The following ZNF804B variants were observed in gnomAD, a reference collection of about 807,000 sequenced individuals.
ZNF804B encodes zinc finger 804B.
A neutral mutation model predicts 101.4 loss-of-function variants in ZNF804B; 80 were observed. The ratio of observed to expected loss-of-function variants is 0.79; its 90% CI spans 0.66 to 0.95. The LOEUF is 0.95. Ranked by LOEUF, ZNF804B falls within the 40% of genes least tolerant of loss-of-function variation. The pLI is 0.00. For missense variants in ZNF804B, 1,673 were observed against 1,561.9 expected, an observed-to-expected ratio of 1.07 and a Z score of -1.20; for synonymous variants, 622 against 558.8, an observed-to-expected ratio of 1.11 and a Z score of -1.59.
At chr7:88,842,979 C>T (rs1791310888) in intron 1 of ZNF804B, among the ~76,000 whole-genome samples, 1 of 151,998 alleles carries the variant, frequency 6.6e-6, no homozygotes, top group Admixed American at 6.6e-5. Context: ...TTTCTATAAT[C>T]CTTAAATTAT....
At chr7:88,896,092 T>A (rs1188216282) in intron 1 of ZNF804B, among the ~76,000 whole-genome samples, 1 of 152,168 alleles carries the variant, frequency 6.6e-6, no homozygotes, top group African/African-American at 2.4e-5. Flanking sequence ...GGCAGGTGAT[T>A]AGTGATAAGT....
chr7:89,043,657 A>G (rs1267652041), intron 1 of ZNF804B, among the ~76,000 whole-genome samples: 1 of 152,206 alleles, frequency 6.6e-6, no homozygotes, highest in Non-Finnish European at 1.5e-5. Context: ...CTTTATGGGA[A>G]CACATTTTAA....
At chr7:89,016,620 T>C (rs961145370) in intron 1 of ZNF804B, among the ~76,000 whole-genome samples, 1 of 151,054 alleles carries the variant, frequency 6.6e-6, no homozygotes, top group East Asian at 2.0e-4. Flanking sequence ...CTTGTTTTTC[T>C]CAGGTTTGTC....
chr7:89,318,496 C>T (rs1014501098), intron 2 of ZNF804B, among the ~76,000 whole-genome samples: 16 of 152,302 alleles, frequency 1.1e-4, no homozygotes, highest in African/African-American at 3.6e-4. Flanking sequence ...GGCACAATGG[C>T]TTACACCTAT....
intron 1 of ZNF804B, among the ~76,000 whole-genome samples, chr7:88,793,893 T>C (rs182588308): frequency 1.5e-3 from 228 of 152,046 alleles, no homozygotes; most frequent in Non-Finnish European, 2.6e-3. Context: ...TCAGCCATAC[T>C]TTTTTTTGAA....
At chr7:89,005,820 A>C (rs1788363044) in intron 1 of ZNF804B, among the ~76,000 whole-genome samples, 1 of 152,062 alleles carries the variant, frequency 6.6e-6, no homozygotes, top group Non-Finnish European at 1.5e-5. Context: ...CTCCTTAGAA[A>C]CTTATTCTTT....
chr7:88,832,140 G>A (rs1196266333), intron 1 of ZNF804B, among the ~76,000 whole-genome samples: 1 of 150,404 alleles, frequency 6.6e-6, no homozygotes. Context: ...AGCCAATGGT[G>A]ATGCATTTCC....
chr7:88,876,419 A>G (rs1299485976), intron 1 of ZNF804B, among the ~76,000 whole-genome samples: 1 of 152,196 alleles, frequency 6.6e-6, no homozygotes, highest in Non-Finnish European at 1.5e-5. Context: ...TCTTTAATTT[A>G]AATAAAACTA....
chr7:88,790,290 C>T (rs1024337327), intron 1 of ZNF804B, among the ~76,000 whole-genome samples: 1 of 151,930 alleles, frequency 6.6e-6, no homozygotes, highest in Non-Finnish European at 1.5e-5. Context: ...ATTTGAAGTT[C>T]CAGGTACAAG....
chr7:89,170,693 T>G (rs1178557308), intron 1 of ZNF804B, among the ~76,000 whole-genome samples: 2 of 152,216 alleles, frequency 1.3e-5, no homozygotes, highest in Non-Finnish European at 2.9e-5. Flanking sequence ...GGTCCTTGCC[T>G]TGGTGGTAGG....
intron 1 of ZNF804B, among the ~76,000 whole-genome samples, chr7:89,039,529 G>T (rs1238018225): frequency 6.6e-6 from 1 of 151,592 alleles, no homozygotes; most frequent in African/African-American, 2.4e-5. Flanking sequence ...ATTCATATAT[G>T]TTGATTTTGT....
rs137977799 is a variant in ZNF804B at position 89,319,842 on chromosome 7, T to C, written c.250-7502T>C. 4.5e-3 allele frequency among the ~76,000 whole-genome samples: 687 copies of C among 152,142 alleles called. 4 individuals carry two copies. The highest frequency in any genetic ancestry group is 0.014 in the Middle Eastern group (4 of 292). On this transcript the variant is annotated intron_variant, in intron 2 of 3. Coordinates refer to ENST00000333190, the MANE Select transcript of ZNF804B (RefSeq NM_181646.5). ...AGACCAAATGCAGCTCAACTAGAGA[T>C]TGAGTTAGCCCAACACTCGTACTTG...
Position 88,962,368 on chromosome 7 carries a change from C to A in ZNF804B, c.108+202284C>A, listed in dbSNP as rs1480793584. Among the ~76,000 whole-genome samples, 4 of 151,248 alleles carry A rather than the reference C, an allele frequency of 2.6e-5. No homozygotes were observed. The East Asian group carries it at 7.9e-4, about 30-fold the overall frequency. On this transcript the variant is annotated intron_variant, in intron 1 of 3. Coordinates refer to ENST00000333190, the MANE Select transcript of ZNF804B (RefSeq NM_181646.5). The stretch of plus-strand genomic sequence containing the variant: ...TATGTAGTTGTATCAGTGTAGCAGT[C>A]ATGCATTGCTATTCAGGTTTCTGAA...
At chr7:89,289,421 T>C (rs950519560) in intron 2 of ZNF804B, among the ~76,000 whole-genome samples, 1 of 151,856 alleles carries the variant, frequency 6.6e-6, no homozygotes, top group African/African-American at 2.4e-5. Flanking sequence ...CAGTATCTGG[T>C]TTTAAATTAA....
intron 1 of ZNF804B, among the ~76,000 whole-genome samples, chr7:89,013,088 C>T (rs375190560): frequency 6.6e-6 from 1 of 152,066 alleles, no homozygotes; most frequent in Non-Finnish European, 1.5e-5. Flanking sequence ...ATAGGGGAAC[C>T]GCCCCCAAGA....
At chr7:88,889,548 T>G (rs1285673573) in intron 1 of ZNF804B, among the ~76,000 whole-genome samples, 1 of 152,200 alleles carries the variant, frequency 6.6e-6, no homozygotes, top group African/African-American at 2.4e-5. Context: ...TGATGAGCAT[T>G]TTTTTCATGT....
At chr7:89,248,191 A>G (rs889285709) in intron 2 of ZNF804B, among the ~76,000 whole-genome samples, 10 of 152,194 alleles carry the variant, frequency 6.6e-5, no homozygotes, top group African/African-American at 1.9e-4. Context: ...ACATAAGGGA[A>G]TACTTCAAGA....
intron 1 of ZNF804B, among the ~76,000 whole-genome samples, chr7:89,217,774 C>G (rs967391996): frequency 1.3e-5 from 2 of 152,084 alleles, no homozygotes; most frequent in South Asian, 4.1e-4. Context: ...ATGGATAAAT[C>G]ATTTGGCTGA....
intron 1 of ZNF804B, among the ~76,000 whole-genome samples, chr7:89,216,204 G>A (rs1788893038): frequency 6.6e-6 from 1 of 152,002 alleles, no homozygotes; most frequent in African/African-American, 2.4e-5. Flanking sequence ...CTGCTGGAGG[G>A]GCTGAGACGG....
Sources: allele counts gnomAD v4.1 joint callset (sites outside exome capture counted in the v4.1 genomes callset), GRCh38; gene constraint gnomAD v4.1.1; transcripts MANE v1.5; gene names NCBI Gene and HGNC (gene_info 2026-07-23, HGNC 2026-07-21).